The following SLC35E3 variants were observed in gnomAD, a reference collection of about 807,000 sequenced individuals.
SLC35E3 encodes solute carrier family 35 member E3, also known as bladder cancer-overexpressed gene 1 protein.
A neutral mutation model predicts 30.8 loss-of-function variants in SLC35E3; 28 were observed. That is an observed-to-expected ratio of 0.91 (90% confidence interval 0.67 to 1.25). SLC35E3 has a LOEUF of 1.25. Ranked by LOEUF, SLC35E3 falls within the 50% of genes most tolerant of loss-of-function variation. The pLI, the probability that SLC35E3 is intolerant of heterozygous loss-of-function variation, is 0.00. For missense variants in SLC35E3, 365 were observed against 375.4 expected, an observed-to-expected ratio of 0.97 and a Z score of 0.23; for synonymous variants, 146 against 149.2, an observed-to-expected ratio of 0.98 and a Z score of 0.16.
At chr12:68,758,384 C>T (rs1879107568) in intron 3 of SLC35E3, among the ~76,000 whole-genome samples, 1 of 151,694 alleles carries the variant, frequency 6.6e-6, no homozygotes, top group African/African-American at 2.4e-5. Flanking sequence ...CGTGCCACTG[C>T]ACTCCAGCCT....
intron 3 of SLC35E3, among the ~76,000 whole-genome samples, chr12:68,754,986 C>T (rs1169816016): frequency 6.6e-6 from 1 of 152,176 alleles, no homozygotes; most frequent in Non-Finnish European, 1.5e-5. Context: ...ACTCATTTCT[C>T]ACAGTTCTGA....
chr12:68,759,107 G>A (rs368359461), intron 3 of SLC35E3, 50 bp from the exon 4 acceptor site: 2 of 1,197,438 alleles, frequency 1.7e-6, no homozygotes, highest in Admixed American at 2.0e-5. Flanking sequence ...TTTGCTTGAT[G>A]ATTATGATTG....
At position 68,776,901 on chromosome 12, in the gene SLC35E3, C is replaced by T. The variant is rs566452295; in HGVS notation, c.*12011C>T. The T allele has an allele frequency of 2.0e-5, 3 of 152,338 alleles. No individual in the cohort carries two copies. Among genetic ancestry groups the T allele is most frequent in the Admixed American group, 2.0e-4 (3 of 15,274 alleles). 9.4% of individuals were successfully genotyped at this position (152,338 alleles called of 1,614,324 possible). On this transcript the variant is annotated 3_prime_UTR_variant, in exon 5 of 5. Coordinates refer to ENST00000398004, the MANE Select transcript of SLC35E3 (RefSeq NM_018656.5). ...CCAAGTGGGAGGTGGTCTACCTGCC[C>T]TTCACCATCATCTTTGTGCTCTCTG...
intron 1 of SLC35E3, 83 bp downstream of exon 1, chr12:68,746,862 C>T: frequency 7.3e-7 from 1 of 1,377,732 alleles, no homozygotes; most frequent in Non-Finnish European, 9.9e-7. Context: ...GCACACTGGT[C>T]TTTCCCTTCA....
At chr12:68,752,287 A>G (rs192553076) in intron 3 of SLC35E3, 97 bp downstream of exon 3, 39 of 1,136,764 alleles carry the variant, frequency 3.4e-5, no homozygotes, top group Non-Finnish European at 4.5e-5. Flanking sequence ...TGTCCGATCC[A>G]TTCTCACATT....
chr12:68,751,769 A>G (rs1016304829), intron 2 of SLC35E3, among the ~76,000 whole-genome samples: 3 of 152,196 alleles, frequency 2.0e-5, no homozygotes, highest in Non-Finnish European at 4.4e-5. Context: ...GGTAGAAGGA[A>G]ATAGAGGACT....
At chr12:68,746,902 GGC>G in intron 1 of SLC35E3, 123 bp downstream of exon 1, 2 of 1,112,384 alleles carry the variant, frequency 1.8e-6, no homozygotes, top group Non-Finnish European at 2.5e-6. Flanking sequence ...GTCATCTGTG[GGC>G]ATGTGAACTT....
chr12:68,750,377 C>T (rs537232825), intron 2 of SLC35E3, among the ~76,000 whole-genome samples: 4 of 152,166 alleles, frequency 2.6e-5, no homozygotes, highest in African/African-American at 7.2e-5. Context: ...TCAGTCAGGG[C>T]GATGAAAGAG....
intron 1 of SLC35E3, among the ~76,000 whole-genome samples, chr12:68,747,269 T>TC (rs1241648369): frequency 6.6e-6 from 1 of 151,614 alleles, no homozygotes. Flanking sequence ...TCTTTTTCTT[T>TC]TTTTTTTTTT....
chr12:68,756,918 G>C (rs1449515676), intron 3 of SLC35E3, among the ~76,000 whole-genome samples: 2 of 152,216 alleles, frequency 1.3e-5, no homozygotes, highest in Non-Finnish European at 2.9e-5. Flanking sequence ...GGGACGCTGA[G>C]GCGGGAGAAT....
At position 68,769,729 on chromosome 12, in the gene SLC35E3, A is replaced by C. The variant is rs1005474400; in HGVS notation, c.*4839A>C. The C allele has an allele frequency of 6.6e-6, 1 of 152,196 alleles. No individual in the cohort carries two copies. Among genetic ancestry groups the C allele is most frequent in the African/African-American group, 2.4e-5 (1 of 41,456 alleles). 9.4% of individuals were successfully genotyped at this position (152,196 alleles called of 1,614,324 possible). On this transcript the variant is annotated 3_prime_UTR_variant, in exon 5 of 5. Coordinates refer to ENST00000398004, the MANE Select transcript of SLC35E3 (RefSeq NM_018656.5). ...GTCCGTTTTGTCTTTCTGTTCCCAA[A>C]CTTAAACTGGATTATACCTGCTAAT... is the stretch of plus-strand genomic sequence containing the variant.
intron 4 of SLC35E3, among the ~76,000 whole-genome samples, chr12:68,761,020 A>G (rs1330456943): frequency 1.3e-5 from 2 of 152,210 alleles, no homozygotes; most frequent in Non-Finnish European, 2.9e-5. Context: ...CTCCATGCAG[A>G]TCAGGAGGAA....
chr12:68,781,227 T>C lies in SLC35E3; in HGVS notation c.*16337T>C, dbSNP rs1879876735. 1 of 152,224 alleles carries C rather than the reference T, an allele frequency of 6.6e-6. No homozygotes were observed. Among genetic ancestry groups the C allele is most frequent in the Non-Finnish European group, 1.5e-5 (1 of 68,040 alleles). The allele number at this position is 152,224 out of a possible 1,614,324, so 9.4% of individuals were successfully genotyped here. A position where few individuals can be genotyped will look rare whatever the true frequency, so the allele number is the denominator to read the frequency against. On this transcript the variant is annotated 3_prime_UTR_variant, in exon 5 of 5. Transcript: ENST00000398004. ...TTAATCATCATTCTCATTGTAAATT[T>C]GGCAAAGTATTTGTAATTAGGAATA...
At chr12:68,757,051 G>A (rs1015772238) in intron 3 of SLC35E3, among the ~76,000 whole-genome samples, 2 of 152,168 alleles carry the variant, frequency 1.3e-5, no homozygotes, top group Non-Finnish European at 2.9e-5. Context: ...CATCTCAATA[G>A]ATGCAGAAAG....
At chr12:68,758,330 G>A (rs1342138486) in intron 3 of SLC35E3, among the ~76,000 whole-genome samples, 1 of 151,960 alleles carries the variant, frequency 6.6e-6, no homozygotes, top group Admixed American at 6.6e-5. Context: ...TGAGGAAGGA[G>A]AATCATTTGA....
intron 3 of SLC35E3, among the ~76,000 whole-genome samples, chr12:68,753,555 A>C (rs2136070073): frequency 6.6e-6 from 1 of 152,156 alleles, no homozygotes; most frequent in South Asian, 2.1e-4. Flanking sequence ...GGTGAGGATC[A>C]TTTCATGGAT....
In SLC35E3 at chr12:68,764,999, G is replaced by C; in HGVS notation, c.*109G>C. 9.6e-7 allele frequency: 1 copy of C among 1,036,282 alleles called. No individual in the cohort carries two copies. Among genetic ancestry groups the C allele is most frequent in the Non-Finnish European group, 1.4e-6 (1 of 733,218 alleles). 64.2% of individuals were successfully genotyped at this position (1,036,282 alleles called of 1,614,324 possible). A position where few individuals can be genotyped will look rare whatever the true frequency, so the allele number is the denominator to read the frequency against. On this transcript the variant is annotated 3_prime_UTR_variant, in exon 5 of 5. Transcript: ENST00000398004. ...GGGCCAGGCACGGTGGCTCACGCCTGTAATCCCAGCACTTTGGGAGGCCAA... is the reference window on the plus strand; with the variant it reads ...GGGCCAGGCACGGTGGCTCACGCCTCTAATCCCAGCACTTTGGGAGGCCAA...
In SLC35E3 at chr12:68,775,455, G is replaced by A. The variant is rs556961164; in HGVS notation, c.*10565G>A. The A allele has an allele frequency of 6.6e-6, 1 of 152,322 alleles. No individual in the cohort carries two copies. The highest frequency in any genetic ancestry group is 1.5e-5 in the Non-Finnish European group (1 of 68,036). 9.4% of individuals were successfully genotyped at this position (152,322 alleles called of 1,614,324 possible). A position where few individuals can be genotyped will look rare whatever the true frequency, so the allele number is the denominator to read the frequency against. On this transcript the variant is annotated 3_prime_UTR_variant, in exon 5 of 5. Coordinates refer to ENST00000398004, the MANE Select transcript of SLC35E3 (RefSeq NM_018656.5). ...CTCTCTGCAGAGACCCAAGGTGGCAGAGGGCCTCACGTGGTGAGGGACTTG... is the reference window on the plus strand; with the variant it reads ...CTCTCTGCAGAGACCCAAGGTGGCAAAGGGCCTCACGTGGTGAGGGACTTG...
Position 68,773,320 on chromosome 12 carries a change from C to G in SLC35E3, c.*8430C>G, listed in dbSNP as rs550089516. 1.3e-5 allele frequency: 2 copies of G among 152,116 alleles called. No individual in the cohort carries two copies. The highest frequency in any genetic ancestry group is 2.9e-5 in the Non-Finnish European group (2 of 68,028). 9.4% of individuals were successfully genotyped at this position (152,116 alleles called of 1,614,324 possible). ...TACTCTGTTGAGGAGATGGAATCTC[C>G]TGGAATCTCAAAAAGGATTTCCTTT... On this transcript the variant is annotated 3_prime_UTR_variant, in exon 5 of 5. Transcript: ENST00000398004.
Sources: gnomAD v4.1 joint callset for allele counts (sites outside exome capture counted in the v4.1 genomes callset) on GRCh38, gnomAD v4.1.1 for gene constraint, MANE v1.5 for transcripts, NCBI Gene and HGNC (gene_info 2026-07-23, HGNC 2026-07-21) for gene names.